The following LINGO2 variants were observed in gnomAD, a reference collection of about 807,000 sequenced individuals.
LINGO2 encodes leucine rich repeat and Ig domain containing 2, also known as leucine-rich repeat and immunoglobulin-like domain-containing nogo receptor-interacting protein 2.
A neutral mutation model predicts 30.6 loss-of-function variants in LINGO2; 14 were observed. That is an observed-to-expected ratio of 0.46 (90% confidence interval 0.30 to 0.72). The LOEUF (loss-of-function observed/expected upper bound fraction) is 0.72, where lower values mean the gene tolerates loss of function less well. Among genes scored for constraint, LINGO2 ranks in the 30% least tolerant of loss-of-function variants. The probability of loss-of-function intolerance (pLI) is 0.07; values close to 1 mark genes in which losing one functional copy is unlikely to be tolerated. For missense variants in LINGO2, 729 were observed against 751.7 expected (o/e 0.97, Z 0.35); for synonymous variants, 317 against 288.5 (o/e 1.10, Z -1.00).
chr9:28,933,101 T>G, the LINGO2 span, among the ~76,000 whole-genome samples: 1 of 152,026 alleles, frequency 6.6e-6, no homozygotes. Context: ...TTGACAGGGT[T>G]TTGCCATGTT....
chr9:28,453,313 T>C (rs1374133257), intron 2 of LINGO2, among the ~76,000 whole-genome samples: 1 of 151,924 alleles, frequency 6.6e-6, no homozygotes, highest in African/African-American at 2.4e-5. Flanking sequence ...CATTTGACAC[T>C]CTGTACTGTA....
intron 1 of LINGO2, among the ~76,000 whole-genome samples, chr9:28,529,970 G>A (rs1244910994): frequency 6.6e-6 from 1 of 151,966 alleles, no homozygotes; most frequent in Admixed American, 6.6e-5. Flanking sequence ...TCTAACATAA[G>A]GGGATAAAAC....
At chr9:28,582,397 T>C (rs922838350) in intron 1 of LINGO2, among the ~76,000 whole-genome samples, 3 of 152,076 alleles carry the variant, frequency 2.0e-5, no homozygotes, top group African/African-American at 7.2e-5. Flanking sequence ...CCAGTGGCCA[T>C]GCTTCTGAAA....
At chr9:28,786,217 T>C in the LINGO2 span, among the ~76,000 whole-genome samples, 2 of 152,296 alleles carry the variant, frequency 1.3e-5, no homozygotes, top group South Asian at 4.1e-4. Context: ...TAACTAAATA[T>C]CTTCCTTTCT....
the LINGO2 span, among the ~76,000 whole-genome samples, chr9:29,179,172 T>C: frequency 3.8e-5 from 1 of 26,246 alleles, no homozygotes; most frequent in South Asian, 1.0e-3. Context: ...TATATATATA[T>C]ATATATATAT....
At chr9:28,725,016 A>G in the LINGO2 span, among the ~76,000 whole-genome samples, 1 of 152,138 alleles carries the variant, frequency 6.6e-6, no homozygotes, top group Non-Finnish European at 1.5e-5. Context: ...GAAAAAAAGA[A>G]GACAAAAATC....
At chr9:28,391,483 G>A (rs1821827094) in intron 2 of LINGO2, among the ~76,000 whole-genome samples, 1 of 152,036 alleles carries the variant, frequency 6.6e-6, no homozygotes, top group Non-Finnish European at 1.5e-5. Context: ...GAAATCATCT[G>A]TTTTTCTGTT....
At chr9:29,107,802 G>T in the LINGO2 span, among the ~76,000 whole-genome samples, 2 of 151,688 alleles carry the variant, frequency 1.3e-5, no homozygotes, top group Admixed American at 6.6e-5. Context: ...TGTCTCTCTT[G>T]ATGTTGCATC....
intron 4 of LINGO2, among the ~76,000 whole-genome samples, chr9:28,117,782 G>A (rs984095618): frequency 1.1e-4 from 16 of 150,242 alleles, no homozygotes; most frequent in East Asian, 8.0e-4. Flanking sequence ...CGGACGGTGC[G>A]CACACACACT....
intron 1 of LINGO2, among the ~76,000 whole-genome samples, chr9:28,595,782 C>G (rs1034871721): frequency 2.0e-5 from 3 of 151,972 alleles, no homozygotes; most frequent in Non-Finnish European, 4.4e-5. Flanking sequence ...CGGGGGAAAC[C>G]CTAGAGTTGT....
intron 4 of LINGO2, among the ~76,000 whole-genome samples, chr9:28,111,865 T>A (rs559337460): frequency 1.3e-4 from 20 of 152,276 alleles, no homozygotes; most frequent in Non-Finnish European, 2.8e-4. Context: ...AAGGTGATAT[T>A]CAAACCATAT....
chr9:29,160,474 C>G, the LINGO2 span, among the ~76,000 whole-genome samples: 1 of 152,232 alleles, frequency 6.6e-6, no homozygotes, highest in African/African-American at 2.4e-5. Flanking sequence ...TTGAAATGGT[C>G]TAAAATTAAT....
the LINGO2 span, among the ~76,000 whole-genome samples, chr9:28,879,749 G>A: frequency 6.6e-6 from 1 of 152,098 alleles, no homozygotes; most frequent in African/African-American, 2.4e-5. Context: ...CATCACCACT[G>A]TGAGTAGATC....
chr9:28,419,749 T>C (rs943029575), intron 2 of LINGO2, among the ~76,000 whole-genome samples: 30 of 152,072 alleles, frequency 2.0e-4, no homozygotes, highest in Admixed American at 1.8e-3. Context: ...TTCTGAAGAA[T>C]CTAAATTTGC....
At chr9:29,204,273 A>C in the LINGO2 span, among the ~76,000 whole-genome samples, 1 of 152,186 alleles carries the variant, frequency 6.6e-6, no homozygotes, top group East Asian at 1.9e-4. Context: ...GGAACCAGAC[A>C]CCTCTTAGGA....
At chr9:28,793,278 T>C in the LINGO2 span, among the ~76,000 whole-genome samples, 2 of 152,196 alleles carry the variant, frequency 1.3e-5, no homozygotes, top group Admixed American at 1.3e-4. Context: ...TGTATTTTAA[T>C]TGAATACAGC....
chr9:28,223,492 G>C (rs1821039216), intron 4 of LINGO2, among the ~76,000 whole-genome samples: 1 of 152,204 alleles, frequency 6.6e-6, no homozygotes. Flanking sequence ...TGGCCATTAA[G>C]TTTCATCACC....
chr9:28,496,237 T>C (rs925068925), intron 1 of LINGO2, among the ~76,000 whole-genome samples: 1 of 152,144 alleles, frequency 6.6e-6, no homozygotes, highest in African/African-American at 2.4e-5. Context: ...GTCTCGTTGA[T>C]CTGTCTAATG....
chr9:28,811,346 C>T, the LINGO2 span, among the ~76,000 whole-genome samples: 11 of 152,042 alleles, frequency 7.2e-5, no homozygotes, highest in African/African-American at 1.7e-4. Flanking sequence ...CTAGTTAATT[C>T]CCAGAATCCA....
Sources: gnomAD v4.1 joint callset for allele counts (sites outside exome capture counted in the v4.1 genomes callset) on GRCh38, gnomAD v4.1.1 for gene constraint, MANE v1.5 for transcripts, NCBI Gene and HGNC (gene_info 2026-07-23, HGNC 2026-07-21) for gene names.